Variants in KDM5A observed in about 807,000 individuals in gnomAD.
KDM5A encodes lysine-specific demethylase 5A.
In KDM5A, 42 loss-of-function variants were observed where a neutral mutation model predicts 193.5. The ratio of observed to expected loss-of-function variants is 0.22; its 90% CI spans 0.17 to 0.28. KDM5A has a LOEUF of 0.28. Ranked by LOEUF, KDM5A falls within the 10% of genes least tolerant of loss-of-function variation. The pLI, the probability that KDM5A is intolerant of heterozygous loss-of-function variation, is 1.00. For missense variants in KDM5A, 1,692 were observed against 2,055.1 expected (o/e 0.82, Z 3.42); for synonymous variants, 796 against 718.1 (o/e 1.11, Z -1.73).
At chr12:374,888 A>G (rs189282740) in intron 3 of KDM5A, among the ~76,000 whole-genome samples, 1 of 152,146 alleles carries the variant, frequency 6.6e-6, no homozygotes, top group Admixed American at 6.5e-5. Context: ...TTTTTTAAGA[A>G]TGTTGAACAT....
intron 5 of KDM5A, among the ~76,000 whole-genome samples, chr12:359,737 G>C (rs1424090721): frequency 3.4e-5 from 4 of 117,354 alleles, no homozygotes; most frequent in African/African-American, 9.8e-5. Context: ...GCCACACACT[G>C]CCTCAAAAAA....
At chr12:363,619 C>A (rs941917025) in intron 4 of KDM5A, among the ~76,000 whole-genome samples, 1 of 151,918 alleles carries the variant, frequency 6.6e-6, no homozygotes, top group African/African-American at 2.4e-5. Flanking sequence ...ACTATACACA[C>A]AAAAAAAGCC....
In KDM5A at chr12:280,579, A is replaced by G. The variant is rs986891514; in HGVS notation, c.*4877T>C. 4.7e-5 allele frequency: 11 copies of G among 233,034 alleles called. No homozygotes were observed. The highest frequency in any genetic ancestry group is 6.8e-5 in the Non-Finnish European group (8 of 117,984). 14.4% of individuals were successfully genotyped at this position (233,034 alleles called of 1,614,324 possible). A position where few individuals can be genotyped will look rare whatever the true frequency, so the allele number is the denominator to read the frequency against. The stretch of plus-strand genomic sequence containing the variant: ...CATTTTCAGAAATGATCCGTCCTTC[A>G]TATCTGCATAAGCTGGGATCCTTGG... On this transcript the variant is annotated 3_prime_UTR_variant, in exon 28 of 28. Coordinates refer to ENST00000399788, the MANE Select transcript of KDM5A (RefSeq NM_001042603.3).
chr12:386,942 G>A (rs899779165), intron 1 of KDM5A, among the ~76,000 whole-genome samples: 2 of 151,886 alleles, frequency 1.3e-5, no homozygotes, highest in African/African-American at 4.8e-5. Flanking sequence ...ACTAAAAAGG[G>A]TAAAATTTAA....
At chr12:341,808 G>A (rs1296353671) in intron 10 of KDM5A, among the ~76,000 whole-genome samples, 2 of 151,842 alleles carry the variant, frequency 1.3e-5, no homozygotes, top group African/African-American at 4.8e-5. Flanking sequence ...ACTGGGGTAG[G>A]AGAACTGCTT....
chr12:368,116 C>T (rs1944380382), intron 3 of KDM5A, among the ~76,000 whole-genome samples: 1 of 152,080 alleles, frequency 6.6e-6, no homozygotes, highest in African/African-American at 2.4e-5. Flanking sequence ...TCTGATACAT[C>T]CCAAACATGA....
At position 282,681 on chromosome 12, in the gene KDM5A, T is replaced by C. The variant is rs1447284133; in HGVS notation, c.*2775A>G. On this transcript the variant is annotated 3_prime_UTR_variant, in exon 28 of 28. Transcript: ENST00000399788. ...TTTCTTTCTATAACCTTTGCCAGAGTTAAAATACTAATGATGAAGAATTGC... is the reference window on the plus strand; with the variant it reads ...TTTCTTTCTATAACCTTTGCCAGAGCTAAAATACTAATGATGAAGAATTGC... 1 of 232,834 alleles carries C rather than the reference T, an allele frequency of 4.3e-6. No individual in the cohort carries two copies. The highest frequency in any genetic ancestry group is 8.5e-6 in the Non-Finnish European group (1 of 117,898). 14.4% of individuals were successfully genotyped at this position (232,834 alleles called of 1,614,324 possible).
At chr12:358,747 G>A (rs571497081) in intron 5 of KDM5A, among the ~76,000 whole-genome samples, 7 of 152,142 alleles carry the variant, frequency 4.6e-5, no homozygotes, top group Admixed American at 3.3e-4. Context: ...GCTGAGGCGG[G>A]TGGATCACAA....
intron 26 of KDM5A, among the ~76,000 whole-genome samples, chr12:293,789 G>A (rs189482670): frequency 0.35 from 23,698 of 67,698 alleles, 2,740 homozygotes; most frequent in African/African-American, 0.46. Flanking sequence ...AAAAAAAAAA[G>A]GGGGGGGGGG....
chr12:287,340 G>C (rs1943231128), intron 27 of KDM5A, among the ~76,000 whole-genome samples: 1 of 152,070 alleles, frequency 6.6e-6, no homozygotes, highest in Non-Finnish European at 1.5e-5. Flanking sequence ...TCCGATCATT[G>C]CTGGCCCTCT....
rs564900097 is a variant in KDM5A, at chr12:356,381, T to TA, written c.778+50dup. 130 of 1,146,268 alleles carry TA rather than the reference T, an allele frequency of 1.1e-4. No homozygotes were observed. In the East Asian group the frequency reaches 3.0e-3, roughly 26 times the overall value. 71.0% of individuals were successfully genotyped at this position (1,146,268 alleles called of 1,614,324 possible). A position where few individuals can be genotyped will look rare whatever the true frequency, so the allele number is the denominator to read the frequency against. On this transcript the variant is annotated intron_variant, in intron 6 of 27. Transcript: ENST00000399788. ...AATTCAAGTATCATTTGAGTTTTTTTACAATCATATTCTACCTTATCTCTT... is the reference window on the plus strand; with the variant it reads ...AATTCAAGTATCATTTGAGTTTTTTTAACAATCATATTCTACCTTATCTCTT...
At chr12:372,869 G>A (rs1480620305) in intron 3 of KDM5A, among the ~76,000 whole-genome samples, 1 of 152,114 alleles carries the variant, frequency 6.6e-6, no homozygotes, top group Non-Finnish European at 1.5e-5. Context: ...TTTGTCTTTG[G>A]TTCTGTTTAT....
intron 8 of KDM5A, 25 bp downstream of exon 8, chr12:354,051 G>A: frequency 6.3e-7 from 1 of 1,592,194 alleles, no homozygotes. Flanking sequence ...AGTTAAAAAA[G>A]GATCCATAGA....
chr12:356,567 TA>T (rs1453155348), intron 5 of KDM5A, 30 bp from the exon 6 acceptor site: 1 of 1,377,382 alleles, frequency 7.3e-7, no homozygotes. Flanking sequence ...CACATTAGCA[TA>T]ATCATGCTGA....
chr12:312,346 CCAAA>C (rs1271333842), intron 20 of KDM5A, among the ~76,000 whole-genome samples: 2 of 152,118 alleles, frequency 1.3e-5, no homozygotes, highest in Non-Finnish European at 2.9e-5. Context: ...ATGCCTGCTC[CCAAA>C]CATCTAGAAT....
At chr12:374,289 GGATA>G (rs1565551129) in intron 3 of KDM5A, among the ~76,000 whole-genome samples, 1 of 152,116 alleles carries the variant, frequency 6.6e-6, no homozygotes, top group African/African-American at 2.4e-5. Context: ...TATATATTTA[GGATA>G]GTTAGCTCTT....
chr12:379,085 C>T (rs1215525359), intron 3 of KDM5A, among the ~76,000 whole-genome samples: 1 of 151,672 alleles, frequency 6.6e-6, no homozygotes, highest in Non-Finnish European at 1.5e-5. Flanking sequence ...AACAGGAAAC[C>T]ATCATGCTGA....
intron 24 of KDM5A, among the ~76,000 whole-genome samples, chr12:303,840 C>T (rs1591902928): frequency 1.3e-5 from 2 of 152,250 alleles, no homozygotes; most frequent in South Asian, 4.1e-4. Flanking sequence ...AAGTATATGT[C>T]TGACTGACAA....
At chr12:325,505 T>C (rs900046643) in intron 14 of KDM5A, among the ~76,000 whole-genome samples, 2 of 147,652 alleles carry the variant, frequency 1.4e-5, no homozygotes, top group African/African-American at 5.0e-5. Flanking sequence ...GGTGAAACTT[T>C]GTCATTACTA....
Sources: gnomAD v4.1 joint callset for allele counts (sites outside exome capture counted in the v4.1 genomes callset) on GRCh38, gnomAD v4.1.1 for gene constraint, MANE v1.5 for transcripts, NCBI Gene and HGNC (gene_info 2026-07-23, HGNC 2026-07-21) for gene names.